The following RPS19 variants were observed in gnomAD, a reference collection of about 807,000 sequenced individuals.
RPS19 encodes ribosomal protein S19.
A neutral mutation model predicts 20.3 loss-of-function variants in RPS19; 1 was observed. The observed-to-expected ratio is 0.05, with a 90% CI of 0.02 to 0.23. The LOEUF (loss-of-function observed/expected upper bound fraction) is 0.23. Among genes scored for constraint, RPS19 ranks in the 10% least tolerant of loss-of-function variants. RPS19 has a pLI of 1.00. For synonymous variants in RPS19, 87 were observed against 74.8 expected (o/e 1.16, Z -0.84); for missense variants, 111 against 192.7 (o/e 0.58, Z 2.51).
intron 5 of RPS19, among the ~76,000 whole-genome samples, chr19:41,870,849 C>CTTTTTTTTTTTTTTTTTTTTTTT (rs35987051): frequency 9.1e-5 from 4 of 43,964 alleles, no homozygotes; most frequent in African/African-American, 9.2e-5. Flanking sequence ...CACTCCCTTC[C>CTTTTTTTTTTTTTTTTTTTTTTT]TTTTTTTTTT....
chr19:41,864,491 C>G (rs1212014428), intron 3 of RPS19: 2 of 152,230 alleles, frequency 1.3e-5, no homozygotes, highest in Non-Finnish European at 2.9e-5. Context: ...GATGGGACCA[C>G]CGGTCTGGAC....
At chr19:41,865,488 G>T (rs991495235) in intron 3 of RPS19, among the ~76,000 whole-genome samples, 2 of 152,140 alleles carry the variant, frequency 1.3e-5, no homozygotes, top group East Asian at 3.8e-4. Context: ...GGATAGGTGG[G>T]TCCTGTGTCC....
In RPS19 at chr19:41,869,695, A is replaced by G. The variant is rs959609557; in HGVS notation, c.357-4A>G. The G allele has an allele frequency of 5.6e-6, 9 of 1,613,862 alleles. No homozygotes were observed. Among genetic ancestry groups the G allele is most frequent in the African/African-American group, 1.3e-5 (1 of 74,928 alleles). On this transcript the variant is annotated splice_polypyrimidine_tract_variant and splice_region_variant and intron_variant, in intron 4 of 5. Coordinates refer to ENST00000598742, the MANE Select transcript of RPS19 (RefSeq NM_001022.4). ...GGGCCTGCATGACCCTTCCCTCCCC[A>G]CAGCGGCCGCAAACTGACACCTCAG... is the stretch of plus-strand genomic sequence containing the variant.
Position 41,869,738 on chromosome 19 carries a change from C to T in RPS19, c.396C>T (p.Asp132=), listed in dbSNP as rs2074127304. Residue 132 remains aspartate, a synonymous_variant, in exon 5 of 6, where the codon GAC becomes GAT. Coordinates refer to ENST00000598742, the MANE Select transcript of RPS19 (RefSeq NM_001022.4). ...KLTPQGQRDL[D]RIAGQVAAAN... Reference sequence around the variant, plus strand: ...CACCTCAGGGACAAAGAGATCTGGACAGAATCGCCGGACAGGTAAGGCCTG... The same window carrying T: ...CACCTCAGGGACAAAGAGATCTGGATAGAATCGCCGGACAGGTAAGGCCTG... 1 of 1,614,158 alleles carries T rather than the reference C, an allele frequency of 6.2e-7. No homozygotes were observed. The highest frequency in any genetic ancestry group is 2.2e-5 in the East Asian group (1 of 44,874).
In RPS19 at chr19:41,869,020, A is replaced by C. The variant is rs782509791; in HGVS notation, c.173-11A>C. 6.2e-7 allele frequency: 1 copy of C among 1,613,396 alleles called. No homozygotes were observed. Among genetic ancestry groups the C allele is most frequent in the Admixed American group, 1.7e-5 (1 of 60,012 alleles). Reference sequence around the variant, plus strand: ...CAAGACCCTTAAATCTCCCTCTCACACTACCCCCAGCTTCCACAGCGCGGC... The same window carrying C: ...CAAGACCCTTAAATCTCCCTCTCACCCTACCCCCAGCTTCCACAGCGCGGC... On this transcript the variant is annotated splice_polypyrimidine_tract_variant and intron_variant, in intron 3 of 5. Coordinates refer to ENST00000598742, the MANE Select transcript of RPS19 (RefSeq NM_001022.4).
At position 41,870,848 on chromosome 19, in the gene RPS19, C is replaced by CTTTTTTTTTTTTTTTTT. The variant is rs2074139987; in HGVS notation, c.412-503_412-502insTTTTTTTTTTTTTTTTT. ...TTGGACTCCACTCCGCCACTCCCTT[C>CTTTTTTTTTTTTTTTTT]CTTTTTTTTTTTTTTTTTTTTTTTT... On this transcript the variant is annotated intron_variant, in intron 5 of 5. Coordinates refer to ENST00000598742, the MANE Select transcript of RPS19 (RefSeq NM_001022.4). Among the ~76,000 whole-genome samples, 29 of 85,764 alleles carry CTTTTTTTTTTTTTTTTT rather than the reference C, an allele frequency of 3.4e-4. 11 individuals are homozygous for CTTTTTTTTTTTTTTTTT. Among genetic ancestry groups the CTTTTTTTTTTTTTTTTT allele is most frequent in the South Asian group, 4.3e-4 (1 of 2,320 alleles). The allele number at this position is 85,764 out of a possible 152,430, so 56.3% of individuals were successfully genotyped here.
rs1312910270 is a variant in RPS19, at chr19:41,872,743, A to G, written c.*1366A>G. 1 of 152,128 alleles carries G rather than the reference A, an allele frequency of 6.6e-6. No homozygotes were observed. The highest frequency in any genetic ancestry group is 1.5e-5 in the Non-Finnish European group (1 of 68,026). The allele number at this position is 152,128 out of a possible 1,614,324, so 9.4% of individuals were successfully genotyped here. ...AGAAACCCTGTCTCTAAAAATACCA[A>G]AATTAGTTGGGCATGGTGGCGCGCA... On this transcript the variant is annotated 3_prime_UTR_variant, in exon 6 of 6. Coordinates refer to ENST00000598742, the MANE Select transcript of RPS19 (RefSeq NM_001022.4).
chr19:41,861,099 GT>G lies in RPS19; in HGVS notation c.72-9del, dbSNP rs61761223. On this transcript the variant is annotated splice_polypyrimidine_tract_variant and intron_variant, in intron 2 of 5. Transcript: ENST00000598742. ...ATGACTGAATCGTGCTTTTCCCACTGTTTTGGTCTTAGGTCCGGGAAGCTGA... is the reference window on the plus strand; with the variant it reads ...ATGACTGAATCGTGCTTTTCCCACTGTTTGGTCTTAGGTCCGGGAAGCTGA... The G allele has an allele frequency of 2.5e-6, 4 of 1,608,814 alleles. No individual in the cohort carries two copies. Among genetic ancestry groups the G allele is most frequent in the Non-Finnish European group, 3.4e-6 (4 of 1,175,460 alleles).
chr19:41,866,516 T>C (rs1284011004), intron 3 of RPS19, among the ~76,000 whole-genome samples: 5 of 152,112 alleles, frequency 3.3e-5, no homozygotes, highest in Admixed American at 6.5e-5. Context: ...TGGGCACTTA[T>C]TACCAGGCAG....
At position 41,872,424 on chromosome 19, in the gene RPS19, A is replaced by G. The variant is rs755723781; in HGVS notation, c.*1047A>G. The G allele has an allele frequency of 1.2e-4, 19 of 152,256 alleles. No homozygotes were observed. Among genetic ancestry groups the G allele is most frequent in the Non-Finnish European group, 2.6e-4 (18 of 68,052 alleles). 9.4% of individuals were successfully genotyped at this position (152,256 alleles called of 1,614,324 possible). A position where few individuals can be genotyped will look rare whatever the true frequency, so the allele number is the denominator to read the frequency against. Reference sequence around the variant, plus strand: ...TGAAGTTCAAACTAGAGTTTAAATCACAACTCTGCCCCTAATCCCACGTAA... The same window carrying G: ...TGAAGTTCAAACTAGAGTTTAAATCGCAACTCTGCCCCTAATCCCACGTAA... On this transcript the variant is annotated 3_prime_UTR_variant, in exon 6 of 6. Coordinates refer to ENST00000598742, the MANE Select transcript of RPS19 (RefSeq NM_001022.4).
In RPS19 at chr19:41,872,208, A is replaced by T. The variant is rs2074156444; in HGVS notation, c.*831A>T. 6.6e-6 allele frequency: 1 copy of T among 152,282 alleles called. No individual in the cohort carries two copies. The highest frequency in any genetic ancestry group is 2.4e-5 in the African/African-American group (1 of 41,462). The allele number at this position is 152,282 out of a possible 1,614,324, so 9.4% of individuals were successfully genotyped here. A position where few individuals can be genotyped will look rare whatever the true frequency, so the allele number is the denominator to read the frequency against. On this transcript the variant is annotated 3_prime_UTR_variant, in exon 6 of 6. Transcript: ENST00000598742. ...GCACCTGGTCAGGCTGGGAGATCCA[A>T]ATAGCACCCAGTGGGCAGCTGTCCG...
intron 4 of RPS19, 197 bp from the exon 5 acceptor site, chr19:41,869,502 A>G (rs1371762068): frequency 1.6e-6 from 1 of 624,692 alleles, no homozygotes; most frequent in Non-Finnish European, 2.8e-6. Context: ...ATGCTTGCAC[A>G]AACAACACCC....
intron 5 of RPS19, 124 bp from the exon 6 acceptor site, chr19:41,871,227 A>T: frequency 1.2e-6 from 1 of 822,828 alleles, no homozygotes; most frequent in South Asian, 1.3e-5. Context: ...GAATTAGATG[A>T]GATAGATGCA....
chr19:41,867,510 C>A (rs1358331559), intron 3 of RPS19, among the ~76,000 whole-genome samples: 6 of 152,142 alleles, frequency 3.9e-5, no homozygotes, highest in African/African-American at 1.4e-4. Flanking sequence ...TGGGGTTTCA[C>A]CATGTTGGCC....
At position 41,861,127 on chromosome 19, in the gene RPS19, A is replaced by G. The variant is rs11540256; in HGVS notation, c.87A>G (p.Lys29=). 19 of 1,613,902 alleles carry G rather than the reference A, an allele frequency of 1.2e-5. No homozygotes were observed. The highest frequency in any genetic ancestry group is 1.4e-5 in the Non-Finnish European group (17 of 1,179,992). Residue 29 remains lysine (K), a synonymous_variant, in exon 3 of 6, where the codon AAA becomes AAG. Transcript: ENST00000598742. ...TTGGTCTTAGGTCCGGGAAGCTGAA[A>G]GTCCCCGAATGGGTGGATACCGTCA... The part of the protein sequence containing the change: ...AAFLKKSGKL[K]VPEWVDTVKL...
At chr19:41,863,794 C>T (rs1168345360) in intron 3 of RPS19, 2 of 150,168 alleles carry the variant, frequency 1.3e-5, no homozygotes, top group East Asian at 3.9e-4. Context: ...AAGGGATGGC[C>T]GCCATGGGTC....
rs1555841317 is a variant in RPS19, at chr19:41,869,081, A to C, written c.223A>C (p.Met75Leu). 1.2e-6 allele frequency: 2 copies of C among 1,613,830 alleles called. No individual in the cohort carries two copies. The highest frequency in any genetic ancestry group is 2.2e-5 in the South Asian group (2 of 91,084). The change falls in exon 4 of 6, where the codon ATG becomes CTG. Residue 75 changes from methionine to leucine, a missense_variant. Met to Leu is a conservative substitution (Grantham distance 15). Coordinates refer to ENST00000598742, the MANE Select transcript of RPS19 (RefSeq NM_001022.4). ...YLRGGAGVGS[M>L]TKIYGGRQRN... ...CCGGGGTGGCGCTGGGGTTGGCTCC[A>C]TGACCAAGATCTATGGGGGACGTCA...
At chr19:41,865,948 TTAAAAAAAAAAA>T (rs1178123554) in intron 3 of RPS19, among the ~76,000 whole-genome samples, 6 of 54,756 alleles carry the variant, frequency 1.1e-4, no homozygotes, top group African/African-American at 3.5e-4. Context: ...GACTCCGTCT[TTAAAAAAAAAAA>T]AAAAAAAAAA....
intron 5 of RPS19, 123 bp downstream of exon 5, chr19:41,869,876 G>T (rs2074128910): frequency 2.1e-6 from 2 of 972,664 alleles, no homozygotes; most frequent in South Asian, 1.4e-5. Context: ...GTGCTGGTGG[G>T]GTCAGAGGAG....
Sources: allele counts gnomAD v4.1 joint callset (sites outside exome capture counted in the v4.1 genomes callset), GRCh38; gene constraint gnomAD v4.1.1; transcripts MANE v1.5; gene names NCBI Gene and HGNC (gene_info 2026-07-23, HGNC 2026-07-21).